RPS6KC1: variants seen among roughly 807,000 people sequenced by gnomAD.
The protein encoded by RPS6KC1 is inactive ribosomal protein S6 kinase delta-1.
A neutral mutation model predicts 103.8 loss-of-function variants in RPS6KC1; 54 were observed. The observed-to-expected ratio is 0.52, with a 90% confidence interval of 0.42 to 0.65. RPS6KC1 has a LOEUF of 0.65. Ranked by LOEUF, RPS6KC1 falls within the 30% of genes least tolerant of loss-of-function variation. The pLI, the probability that RPS6KC1 is intolerant of heterozygous loss-of-function variation, is 0.00. For missense variants in RPS6KC1, 1,151 were observed against 1,253.8 expected, an observed-to-expected ratio of 0.92 and a Z score of 1.24; for synonymous variants, 439 against 438.7, an observed-to-expected ratio of 1.00 and a Z score of -0.01.
the RPS6KC1 span, among the ~76,000 whole-genome samples, chr1:213,801,464 A>G: frequency 1.3e-5 from 2 of 152,252 alleles, no homozygotes; most frequent in Non-Finnish European, 2.9e-5. Flanking sequence ...TAAATTAAAC[A>G]TATGTAAATA....
chr1:213,648,764 T>C, the RPS6KC1 span, among the ~76,000 whole-genome samples: 1 of 152,160 alleles, frequency 6.6e-6, no homozygotes, highest in Non-Finnish European at 1.5e-5. Flanking sequence ...ATATGAGATA[T>C]CACTGTAGCC....
At chr1:213,536,331 T>C in the RPS6KC1 span, among the ~76,000 whole-genome samples, 65 of 152,316 alleles carry the variant, frequency 4.3e-4, no homozygotes, top group South Asian at 0.013. Context: ...CTCAGTGTTA[T>C]TCTAGGCACT....
the RPS6KC1 span, among the ~76,000 whole-genome samples, chr1:213,810,197 A>G: frequency 6.6e-6 from 1 of 152,192 alleles, no homozygotes; most frequent in Non-Finnish European, 1.5e-5. Context: ...TGGAGTGGGT[A>G]TGAAGCAAGC....
At chr1:213,301,516 C>G in the RPS6KC1 span, among the ~76,000 whole-genome samples, 2 of 152,078 alleles carry the variant, frequency 1.3e-5, no homozygotes, top group Non-Finnish European at 2.9e-5. Flanking sequence ...GTGCTTCTCA[C>G]GTCATCTGGA....
chr1:213,139,907 G>A (rs916563670), intron 6 of RPS6KC1, among the ~76,000 whole-genome samples: 4 of 151,990 alleles, frequency 2.6e-5, no homozygotes, highest in African/African-American at 4.8e-5. Flanking sequence ...GATAGGAATA[G>A]CATTGAATCT....
the RPS6KC1 span, among the ~76,000 whole-genome samples, chr1:213,344,851 C>A: frequency 6.6e-6 from 1 of 152,096 alleles, no homozygotes; most frequent in Non-Finnish European, 1.5e-5. Context: ...GTTTTTTATA[C>A]CCCAACTAGA....
the RPS6KC1 span, among the ~76,000 whole-genome samples, chr1:213,304,730 G>T: frequency 3.9e-5 from 6 of 151,942 alleles, no homozygotes; most frequent in East Asian, 1.2e-3. Context: ...TAGTAGGGAT[G>T]GGGTTTCTCC....
intron 10 of RPS6KC1, among the ~76,000 whole-genome samples, chr1:213,240,032 A>G (rs940026734): frequency 6.6e-6 from 1 of 152,176 alleles, no homozygotes; most frequent in Non-Finnish European, 1.5e-5. Context: ...TTTTAAAGAT[A>G]TATGTCAGAA....
the RPS6KC1 span, among the ~76,000 whole-genome samples, chr1:213,796,483 C>G: frequency 6.6e-6 from 1 of 152,198 alleles, no homozygotes; most frequent in African/African-American, 2.4e-5. Context: ...AGGACTCATC[C>G]CGAAGAAGCC....
the RPS6KC1 span, among the ~76,000 whole-genome samples, chr1:213,772,840 C>G: frequency 1.3e-5 from 2 of 152,154 alleles, no homozygotes; most frequent in African/African-American, 2.4e-5. Flanking sequence ...CCAAGGTTAT[C>G]CAAGGGCCAA....
At chr1:213,756,176 A>G in the RPS6KC1 span, among the ~76,000 whole-genome samples, 1 of 152,180 alleles carries the variant, frequency 6.6e-6, no homozygotes, top group Non-Finnish European at 1.5e-5. Context: ...CCTCCTCCTG[A>G]TGTCATCATG....
the RPS6KC1 span, among the ~76,000 whole-genome samples, chr1:213,583,891 C>T: frequency 4.6e-5 from 7 of 151,550 alleles, no homozygotes; most frequent in Admixed American, 3.3e-4. Flanking sequence ...AGGACCCCAT[C>T]CCCCAGAGTA....
At chr1:213,737,725 C>T in the RPS6KC1 span, among the ~76,000 whole-genome samples, 1 of 152,172 alleles carries the variant, frequency 6.6e-6, no homozygotes, top group Non-Finnish European at 1.5e-5. Context: ...ATCAACATGG[C>T]TCTACTACTG....
At chr1:213,715,533 G>T in the RPS6KC1 span, among the ~76,000 whole-genome samples, 4 of 152,230 alleles carry the variant, frequency 2.6e-5, no homozygotes, top group Non-Finnish European at 4.4e-5. Context: ...AGAAGCAACA[G>T]AATGAGATAA....
In RPS6KC1 at chr1:213,051,509, G is replaced by A. The variant is rs769680189; in HGVS notation, c.105G>A (p.Arg35=). Residue 35 remains arginine, a splice_region_variant and synonymous_variant, in exon 1 of 15, where the codon CGG becomes CGA. Transcript: ENST00000366960. ...RGYTVYKVTA[R]VVSRRNPEDV... The stretch of plus-strand genomic sequence containing the variant: ...ACACAGTATATAAGGTCACCGCCCG[G>A]GTGAGTGCCGGTGTCGGGCTGGGGT... 1.9e-6 allele frequency: 3 copies of A among 1,602,570 alleles called. No homozygotes were observed. The highest frequency in any genetic ancestry group is 2.6e-6 in the Non-Finnish European group (3 of 1,171,836).
chr1:213,259,136 A>G (rs2094720104), intron 12 of RPS6KC1, among the ~76,000 whole-genome samples: 2 of 152,160 alleles, frequency 1.3e-5, no homozygotes, highest in African/African-American at 4.8e-5. Flanking sequence ...AGAAGGGAGG[A>G]TTGGTTTACG....
At chr1:213,540,581 G>C in the RPS6KC1 span, among the ~76,000 whole-genome samples, 4 of 152,152 alleles carry the variant, frequency 2.6e-5, no homozygotes, top group East Asian at 7.7e-4. Flanking sequence ...GAACTCCTGA[G>C]CTCAAGTGAT....
the RPS6KC1 span, among the ~76,000 whole-genome samples, chr1:213,670,392 A>C: frequency 6.6e-6 from 1 of 152,286 alleles, no homozygotes; most frequent in Admixed American, 6.5e-5. Flanking sequence ...AATGAGCAGT[A>C]GGGGGAAGAG....
At chr1:213,569,662 A>G in the RPS6KC1 span, among the ~76,000 whole-genome samples, 6 of 152,236 alleles carry the variant, frequency 3.9e-5, no homozygotes, top group Non-Finnish European at 8.8e-5. Flanking sequence ...ACAAGAAATG[A>G]GTAATTTTAC....
Sources: allele counts gnomAD v4.1 joint callset (sites outside exome capture counted in the v4.1 genomes callset), GRCh38; gene constraint gnomAD v4.1.1; transcripts MANE v1.5; gene names NCBI Gene and HGNC (gene_info 2026-07-23, HGNC 2026-07-21).